MYO1E: variants seen among roughly 807,000 people sequenced by gnomAD.
The protein encoded by MYO1E is unconventional myosin-Ie.
In MYO1E, 68 loss-of-function variants were observed where a neutral mutation model predicts 151.1. The ratio of observed to expected loss-of-function variants is 0.45; its 90% CI spans 0.37 to 0.55. The LOEUF is 0.55. Ranked by LOEUF, MYO1E falls within the 20% of genes least tolerant of loss-of-function variation. The pLI is 0.00. For missense variants in MYO1E, 1,363 were observed against 1,389.3 expected (o/e 0.98, Z 0.30); for synonymous variants, 601 against 501.7 (o/e 1.20, Z -2.64).
rs1361485688 is a variant in MYO1E, at chr15:59,159,186, G to A, written c.2786-807C>T. On this transcript the variant is annotated intron_variant, in intron 24 of 27. Coordinates refer to ENST00000288235, the MANE Select transcript of MYO1E (RefSeq NM_004998.4). The surrounding 1 kb of genome is among the most constrained non-coding windows in gnomAD (Gnocchi z 4.4). Reference sequence around the variant, plus strand: ...CACAGCAAAGGAGCTGCAGCTCTAGGGCCTGGGAGAACCGACCACGTGGGA... The same window carrying A: ...CACAGCAAAGGAGCTGCAGCTCTAGAGCCTGGGAGAACCGACCACGTGGGA... Among the ~76,000 whole-genome samples the A allele has an allele frequency of 6.6e-6, 1 of 152,200 alleles. No homozygotes were observed. The highest frequency in any genetic ancestry group is 2.4e-5 in the African/African-American group (1 of 41,452).
chr15:59,263,120 CAG>C (rs1482269815), intron 2 of MYO1E, among the ~76,000 whole-genome samples: 6 of 151,992 alleles, frequency 3.9e-5, no homozygotes, highest in South Asian at 2.1e-4. Flanking sequence ...AATTGTTAAA[CAG>C]AAAGTTATTT....
At chr15:59,362,198 T>C (rs1258007809) in intron 1 of MYO1E, among the ~76,000 whole-genome samples, 5 of 152,224 alleles carry the variant, frequency 3.3e-5, no homozygotes, top group African/African-American at 1.2e-4. Context: ...AATAAATGTA[T>C]AGACCCCCAA....
intron 6 of MYO1E, among the ~76,000 whole-genome samples, chr15:59,230,533 A>G (rs2140354313): frequency 6.6e-6 from 1 of 152,286 alleles, no homozygotes; most frequent in Non-Finnish European, 1.5e-5. Flanking sequence ...TTGAAAATTA[A>G]TTCAAGTGGA....
chr15:59,371,865 T>C (rs2080947234), intron 1 of MYO1E, among the ~76,000 whole-genome samples: 1 of 151,630 alleles, frequency 6.6e-6, no homozygotes, highest in Non-Finnish European at 1.5e-5. Flanking sequence ...TCCCTGGCTC[T>C]TGACAGCCCG....
intron 9 of MYO1E, 57 bp from the exon 10 acceptor site, chr15:59,218,144 A>T (rs2079931527): frequency 6.3e-7 from 1 of 1,595,632 alleles, no homozygotes; most frequent in African/African-American, 1.3e-5. Flanking sequence ...CTTCCAAGTC[A>T]TCTCACAAAC....
At chr15:59,348,366 C>CA (rs2080805882) in intron 1 of MYO1E, among the ~76,000 whole-genome samples, 1 of 152,204 alleles carries the variant, frequency 6.6e-6, no homozygotes, top group South Asian at 2.1e-4. Flanking sequence ...GGCAAAAATA[C>CA]ATCCTGATCA....
At chr15:59,170,362 G>A (rs1193233565) in intron 22 of MYO1E, among the ~76,000 whole-genome samples, 1 of 152,178 alleles carries the variant, frequency 6.6e-6, no homozygotes, top group African/African-American at 2.4e-5. Flanking sequence ...CACCTGCTGT[G>A]CCTGCCAAGC....
At chr15:59,335,792 T>C (rs1286042159) in intron 1 of MYO1E, among the ~76,000 whole-genome samples, 3 of 152,162 alleles carry the variant, frequency 2.0e-5, no homozygotes, top group African/African-American at 7.2e-5. Context: ...CGCATTCAAA[T>C]GACTCCCCTT....
chr15:59,213,414 GCCCGTCTCGGCCT>G (rs1416797406), intron 12 of MYO1E, among the ~76,000 whole-genome samples: 1 of 151,866 alleles, frequency 6.6e-6, no homozygotes, highest in Non-Finnish European at 1.5e-5. Flanking sequence ...CAAGTGATCT[GCCCGTCTCGGCCT>G]CCCAAAGTGC....
At chr15:59,321,411 G>C (rs1043598575) in intron 1 of MYO1E, among the ~76,000 whole-genome samples, 14 of 152,210 alleles carry the variant, frequency 9.2e-5, no homozygotes, top group Non-Finnish European at 1.0e-4. Context: ...ATTCACAATA[G>C]CAAAGACATG....
chr15:59,231,421 C>A (rs1028356317), intron 6 of MYO1E, among the ~76,000 whole-genome samples: 5 of 152,308 alleles, frequency 3.3e-5, no homozygotes, highest in East Asian at 1.9e-4. Context: ...AAAGACAACT[C>A]CTCCAAGGCC....
chr15:59,358,218 AGAG>A (rs1447286844), intron 1 of MYO1E, among the ~76,000 whole-genome samples: 1 of 152,014 alleles, frequency 6.6e-6, no homozygotes, highest in Non-Finnish European at 1.5e-5. Context: ...GCCTTAGGGA[AGAG>A]GAGGAGGAGG....
intron 12 of MYO1E, among the ~76,000 whole-genome samples, chr15:59,211,054 G>A (rs1426995252): frequency 6.6e-6 from 1 of 152,062 alleles, no homozygotes; most frequent in Non-Finnish European, 1.5e-5. Flanking sequence ...ACAAAAAGAA[G>A]CTGAGTGTGG....
At chr15:59,221,945 T>C (rs1351913643) in intron 9 of MYO1E, among the ~76,000 whole-genome samples, 1 of 152,216 alleles carries the variant, frequency 6.6e-6, no homozygotes, top group East Asian at 1.9e-4. Flanking sequence ...CTACTGGAAA[T>C]ATATGTGCAT....
At chr15:59,324,670 C>CCCG (rs530400364) in intron 1 of MYO1E, among the ~76,000 whole-genome samples, 1,891 of 151,688 alleles carry the variant, frequency 0.012, 29 homozygotes, top group African/African-American at 0.021. Flanking sequence ...CAAGCCCCCC[C>CCCG]CCCACAGAGG....
rs1334478743 is a variant in MYO1E, at chr15:59,357,111, G to A, written c.3+15387C>T. Reference sequence around the variant, plus strand: ...AGTAGAGATGAGGTTTCGCCCTGTTGACCAGGCTGGTCTTGAACTCCTGAC... The same window carrying A: ...AGTAGAGATGAGGTTTCGCCCTGTTAACCAGGCTGGTCTTGAACTCCTGAC... On this transcript the variant is annotated intron_variant, in intron 1 of 27. Transcript: ENST00000288235. Among the ~76,000 whole-genome samples the A allele has an allele frequency of 2.5e-4, 38 of 151,950 alleles. 1 individual carries two copies. The highest frequency in any genetic ancestry group is 2.9e-5 in the Non-Finnish European group (2 of 67,980).
chr15:59,371,727 C>G (rs957534532), intron 1 of MYO1E, among the ~76,000 whole-genome samples: 1 of 152,188 alleles, frequency 6.6e-6, no homozygotes, highest in Admixed American at 6.5e-5. Flanking sequence ...AGCCCCGATC[C>G]CCTCGCGCTT....
chr15:59,149,187 G>A (rs957630004), intron 26 of MYO1E, among the ~76,000 whole-genome samples: 1 of 151,608 alleles, frequency 6.6e-6, no homozygotes, highest in East Asian at 1.9e-4. Context: ...CTCCTGATTA[G>A]CTGGGACTAC....
chr15:59,333,334 G>A (rs1203699193), intron 1 of MYO1E, among the ~76,000 whole-genome samples: 3 of 151,964 alleles, frequency 2.0e-5, no homozygotes, highest in East Asian at 1.9e-4. Context: ...TGAACTCCCA[G>A]GCTCAAGTGA....
Sources: gnomAD v4.1 joint callset for allele counts (sites outside exome capture counted in the v4.1 genomes callset) on GRCh38, gnomAD v4.1.1 for gene constraint, Gnocchi (gnomAD v3.1) non-coding constraint, MANE v1.5 for transcripts, NCBI Gene and HGNC (gene_info 2026-07-23, HGNC 2026-07-21) for gene names.